Variants in SPPL2A observed in about 807,000 individuals in gnomAD.
The protein encoded by SPPL2A is signal peptide peptidase like 2A.
A neutral mutation model predicts 63.8 loss-of-function variants in SPPL2A; 51 were observed. The ratio of observed to expected loss-of-function variants is 0.80; its 90% CI spans 0.64 to 1.01. The LOEUF (loss-of-function observed/expected upper bound fraction) is 1.01. Among genes scored for constraint, SPPL2A ranks in the 50% least tolerant of loss-of-function variants. The pLI, the probability that SPPL2A is intolerant of heterozygous loss-of-function variation, is 0.00. For missense variants in SPPL2A, 553 were observed against 622.7 expected (o/e 0.89, Z 1.19); for synonymous variants, 188 against 205.8 (o/e 0.91, Z 0.74).
rs200889728 is a variant in SPPL2A, at chr15:50,730,868, C to T, written c.1089+97G>A. 1.9e-5 allele frequency: 12 copies of T among 619,896 alleles called. No individual in the cohort carries two copies. In the East Asian group the frequency reaches 3.8e-4, roughly 20 times the overall value. The allele number at this position is 619,896 out of a possible 1,614,324, so 38.4% of individuals were successfully genotyped here. A position where few individuals can be genotyped will look rare whatever the true frequency, so the allele number is the denominator to read the frequency against. ...TCTTTTAAGAGAATTAGAATTCACTCAGTGGTAAACATCTGCAAAATTAAT... is the reference window on the plus strand; with the variant it reads ...TCTTTTAAGAGAATTAGAATTCACTTAGTGGTAAACATCTGCAAAATTAAT... On this transcript the variant is annotated intron_variant, in intron 10 of 14. Transcript: ENST00000261854.
chr15:50,725,185 T>G (rs777204469), intron 12 of SPPL2A, 36 bp downstream of exon 12: 6 of 667,600 alleles, frequency 9.0e-6, no homozygotes, highest in Non-Finnish European at 2.3e-6. Flanking sequence ...ATCATCAGTG[T>G]TTTTTTTTTT....
chr15:50,760,707 T>A (rs1313039863), intron 1 of SPPL2A, among the ~76,000 whole-genome samples: 9 of 151,988 alleles, frequency 5.9e-5, no homozygotes, highest in Non-Finnish European at 1.0e-4. Context: ...GGGGTGGGGC[T>A]GTTGGGGGTG....
chr15:50,724,831 C>T (rs1028267046), intron 12 of SPPL2A, among the ~76,000 whole-genome samples: 1 of 152,208 alleles, frequency 6.6e-6, no homozygotes, highest in African/African-American at 2.4e-5. Context: ...CTCTTGATCA[C>T]AGCCTTGCCT....
At chr15:50,713,084 G>C (rs1487355624) in intron 14 of SPPL2A, among the ~76,000 whole-genome samples, 1 of 152,116 alleles carries the variant, frequency 6.6e-6, no homozygotes, top group Non-Finnish European at 1.5e-5. Flanking sequence ...CAGAACTGAT[G>C]TCAAAGGCCA....
intron 14 of SPPL2A, among the ~76,000 whole-genome samples, chr15:50,710,423 T>C (rs2062547149): frequency 6.6e-6 from 1 of 152,196 alleles, no homozygotes; most frequent in Non-Finnish European, 1.5e-5. Context: ...GAAGTAAGCA[T>C]CTCTATTCCC....
chr15:50,725,099 A>C (rs1336836852), intron 12 of SPPL2A, 122 bp downstream of exon 12: 1 of 696,686 alleles, frequency 1.4e-6, no homozygotes, highest in Non-Finnish European at 2.5e-6. Flanking sequence ...TGACAATCTC[A>C]GCTCTAGTGA....
intron 5 of SPPL2A, among the ~76,000 whole-genome samples, chr15:50,744,431 A>C (rs1285571921): frequency 1.3e-5 from 2 of 152,162 alleles, no homozygotes; most frequent in Non-Finnish European, 2.9e-5. Flanking sequence ...TTTAAATGGA[A>C]GCTATAGATC....
chr15:50,714,068 A>T (rs747524901), intron 14 of SPPL2A, among the ~76,000 whole-genome samples: 1 of 152,238 alleles, frequency 6.6e-6, no homozygotes, highest in Non-Finnish European at 1.5e-5. Flanking sequence ...ACTAGACTCT[A>T]TGCTCTTTAC....
chr15:50,749,449 A>C (rs748929333), intron 2 of SPPL2A, among the ~76,000 whole-genome samples, 187 bp downstream of exon 2: 2 of 151,940 alleles, frequency 1.3e-5, no homozygotes, highest in African/African-American at 2.4e-5. Context: ...CACCACACCC[A>C]GCTAATTTTT....
chr15:50,735,952 A>G, intron 8 of SPPL2A, 149 bp downstream of exon 8: 1 of 561,072 alleles, frequency 1.8e-6, no homozygotes, highest in South Asian at 2.2e-5. Context: ...GCATTAACAT[A>G]AGATCTGCTT....
chr15:50,751,090 G>C (rs1461765585), intron 1 of SPPL2A, among the ~76,000 whole-genome samples: 1 of 152,170 alleles, frequency 6.6e-6, no homozygotes, highest in Non-Finnish European at 1.5e-5. Context: ...ACTTGGGGCT[G>C]CACAGCTTAT....
chr15:50,717,206 C>T (rs1250673072), intron 14 of SPPL2A, among the ~76,000 whole-genome samples: 2 of 152,084 alleles, frequency 1.3e-5, no homozygotes, highest in African/African-American at 4.8e-5. Flanking sequence ...GGGTCTCACT[C>T]GCTCTGTTGC....
chr15:50,722,558 A>C (rs1393277637), intron 12 of SPPL2A, among the ~76,000 whole-genome samples: 1 of 152,046 alleles, frequency 6.6e-6, no homozygotes, highest in Non-Finnish European at 1.5e-5. Flanking sequence ...CCGGGTTCAA[A>C]CAATTCCCCT....
intron 14 of SPPL2A, among the ~76,000 whole-genome samples, chr15:50,708,883 A>G (rs2062535004): frequency 6.6e-6 from 1 of 151,362 alleles, no homozygotes; most frequent in Non-Finnish European, 1.5e-5. Context: ...AAATACAAAA[A>G]AAAATTAGCC....
intron 8 of SPPL2A, 132 bp from the exon 9 acceptor site, chr15:50,732,816 T>A: frequency 1.7e-6 from 1 of 603,904 alleles, no homozygotes; most frequent in Non-Finnish European, 2.9e-6. Context: ...TAAGACAGAT[T>A]CTCACTCTGT....
In SPPL2A at chr15:50,706,549, CACCAAGATTAAGAATCATT is replaced by C. The variant is rs1230471561; in HGVS notation, c.*1232_*1250del. ...TCTGAACCGCACTTTGTACATCCTC[CACCAAGATTAAGAATCATT>C]ACCTATGGGAAAAGGGGTGGGCATC... is the stretch of plus-strand genomic sequence containing the variant. On this transcript the variant is annotated 3_prime_UTR_variant, in exon 15 of 15. Transcript: ENST00000261854. 6.6e-6 allele frequency: 1 copy of C among 151,832 alleles called. No homozygotes were observed. The highest frequency in any genetic ancestry group is 1.5e-5 in the Non-Finnish European group (1 of 67,976). The allele number at this position is 151,832 out of a possible 1,614,324, so 9.4% of individuals were successfully genotyped here.
In SPPL2A at chr15:50,704,659, G is replaced by A. The variant is rs548835201; in HGVS notation, c.*3141C>T. 6.6e-5 allele frequency: 10 copies of A among 152,112 alleles called. No homozygotes were observed. In the South Asian group the frequency reaches 2.1e-3, roughly 32 times the overall value. The allele number at this position is 152,112 out of a possible 1,614,324, so 9.4% of individuals were successfully genotyped here. On this transcript the variant is annotated 3_prime_UTR_variant, in exon 15 of 15. Coordinates refer to ENST00000261854, the MANE Select transcript of SPPL2A (RefSeq NM_032802.4). ...TGGGAGGGCAAGAGAGGAAGAGATG[G>A]CAGCTTTTTAAGTGAAATTTTAATC... is the stretch of plus-strand genomic sequence containing the variant.
At chr15:50,711,206 C>CTTT (rs1302695528) in intron 14 of SPPL2A, among the ~76,000 whole-genome samples, 24 of 115,586 alleles carry the variant, frequency 2.1e-4, no homozygotes, top group East Asian at 4.6e-4. Context: ...AATTAGTATC[C>CTTT]TTTTTTTTTT....
chr15:50,752,067 G>A (rs544093668), intron 1 of SPPL2A, among the ~76,000 whole-genome samples: 1 of 152,052 alleles, frequency 6.6e-6, no homozygotes, highest in Non-Finnish European at 1.5e-5. Flanking sequence ...CTGACCTCAG[G>A]TGATCCACCC....
Sources: gnomAD v4.1 joint callset for allele counts (sites outside exome capture counted in the v4.1 genomes callset) on GRCh38, gnomAD v4.1.1 for gene constraint, MANE v1.5 for transcripts, NCBI Gene and HGNC (gene_info 2026-07-23, HGNC 2026-07-21) for gene names.